GRIA1: variants seen among roughly 807,000 people sequenced by gnomAD.
GRIA1 encodes the protein glutamate receptor 1.
In GRIA1, 31 loss-of-function variants were observed where a neutral mutation model predicts 99.2. That is an observed-to-expected ratio of 0.31 (90% CI 0.23 to 0.42). GRIA1 has a LOEUF of 0.42. GRIA1 is among the 10% of genes least tolerant of loss of function. The pLI is 1.00. For missense variants in GRIA1, 782 were observed against 1,157.5 expected, an observed-to-expected ratio of 0.68 and a Z score of 4.71; for synonymous variants, 438 against 432.4, an observed-to-expected ratio of 1.01 and a Z score of -0.16.
chr5:153,619,337 T>A (rs1173759989), intron 2 of GRIA1, among the ~76,000 whole-genome samples: 1 of 152,196 alleles, frequency 6.6e-6, no homozygotes, highest in Non-Finnish European at 1.5e-5. Context: ...TTTTGGATAT[T>A]TTATTTTATC....
At chr5:153,706,645 G>T (rs561662834) in intron 11 of GRIA1, among the ~76,000 whole-genome samples, 4 of 152,186 alleles carry the variant, frequency 2.6e-5, no homozygotes, top group African/African-American at 9.7e-5. Flanking sequence ...TAGCACATGG[G>T]CCCTTTATGC....
chr5:153,653,581 G>A lies in GRIA1; in HGVS notation c.646-2238G>A, dbSNP rs148077796. Among the ~76,000 whole-genome samples the A allele has an allele frequency of 6.1e-3, 928 of 152,276 alleles. 8 individuals carry two copies. Among genetic ancestry groups the A allele is most frequent in the Middle Eastern group, 0.024 (7 of 294 alleles). On this transcript the variant is annotated intron_variant, in intron 4 of 15. Transcript: ENST00000285900. ...TAAGCACAAAATTAGTTAGAAGTGA[G>A]AATAGACCAGGACCTGTTGAGGTTA...
At position 153,807,675 on chromosome 5, in the gene GRIA1, C is replaced by T. The variant is rs147850194; in HGVS notation, c.2521-3350C>T. 3.8e-3 allele frequency among the ~76,000 whole-genome samples: 584 copies of T among 152,260 alleles called. 7 individuals carry two copies. The highest frequency in any genetic ancestry group is 0.013 in the African/African-American group (545 of 41,530). On this transcript the variant is annotated intron_variant, in intron 15 of 15. Transcript: ENST00000285900. ...GGACTTCAGGCAGCTCATAACATTT[C>T]GGTCTAATTCAAATTGTCATACAAC...
chr5:153,594,593 A>T (rs1423905489), intron 2 of GRIA1, among the ~76,000 whole-genome samples: 1 of 150,986 alleles, frequency 6.6e-6, no homozygotes, highest in East Asian at 2.0e-4. Context: ...ATTTATTTTC[A>T]TTCATTTGCT....
At chr5:153,698,770 G>C in intron 9 of GRIA1, 97 bp from the exon 10 acceptor site, 1 of 781,292 alleles carries the variant, frequency 1.3e-6, no homozygotes. Context: ...GCCTTCCCCA[G>C]TGTTAACCAA....
At chr5:153,549,982 T>A (rs972221664) in intron 2 of GRIA1, among the ~76,000 whole-genome samples, 4 of 152,158 alleles carry the variant, frequency 2.6e-5, no homozygotes, top group Non-Finnish European at 4.4e-5. Context: ...TGAAATTGGA[T>A]CATCTCTTTA....
At chr5:153,778,303 C>T (rs1764405475) in intron 13 of GRIA1, among the ~76,000 whole-genome samples, 1 of 151,466 alleles carries the variant, frequency 6.6e-6, no homozygotes, top group Non-Finnish European at 1.5e-5. Context: ...TCAGAGAGTA[C>T]CAAGAAAGCT....
At chr5:153,551,525 C>A (rs141575662) in intron 2 of GRIA1, among the ~76,000 whole-genome samples, 1 of 152,050 alleles carries the variant, frequency 6.6e-6, no homozygotes, top group Non-Finnish European at 1.5e-5. Flanking sequence ...GATGGGATTT[C>A]GATTAATGGA....
In GRIA1 at chr5:153,518,850, G is replaced by A. The variant is rs77659773; in HGVS notation, c.220+24785G>A. Reference sequence around the variant, plus strand: ...GGGGACAGTTAGTAAGTGGCTGAGTGAATTCAGCCTGGCATCGTGCTCCAT... The same window carrying A: ...GGGGACAGTTAGTAAGTGGCTGAGTAAATTCAGCCTGGCATCGTGCTCCAT... On this transcript the variant is annotated intron_variant, in intron 2 of 15. Coordinates refer to ENST00000285900, the MANE Select transcript of GRIA1 (RefSeq NM_000827.4). Among the ~76,000 whole-genome samples the A allele has an allele frequency of 7.5e-3, 1,135 of 152,272 alleles. 13 individuals are homozygous for A. Among genetic ancestry groups the A allele is most frequent in the African/African-American group, 0.026 (1,097 of 41,562 alleles).
intron 2 of GRIA1, among the ~76,000 whole-genome samples, chr5:153,636,512 A>C (rs1753369697): frequency 6.6e-6 from 1 of 152,234 alleles, no homozygotes. Context: ...ATGCTATAAA[A>C]GTAGCACTGA....
intron 2 of GRIA1, among the ~76,000 whole-genome samples, chr5:153,581,755 T>A (rs1214316024): frequency 0.024 from 2 of 84 alleles, no homozygotes; most frequent in African/African-American, 0.038. Flanking sequence ...TTCTTTTCTC[T>A]TTTTTTTTTT....
intron 5 of GRIA1, among the ~76,000 whole-genome samples, chr5:153,659,341 G>A (rs1412104888): frequency 6.6e-6 from 1 of 152,038 alleles, no homozygotes; most frequent in Non-Finnish European, 1.5e-5. Context: ...CATTGGTGTG[G>A]GCATAAGATG....
At chr5:153,675,253 A>G (rs976192071) in intron 6 of GRIA1, among the ~76,000 whole-genome samples, 1 of 152,166 alleles carries the variant, frequency 6.6e-6, no homozygotes, top group Non-Finnish European at 1.5e-5. Context: ...TTCATTGTAG[A>G]TTGAGCTTCT....
intron 2 of GRIA1, among the ~76,000 whole-genome samples, chr5:153,559,545 C>A (rs921188616): frequency 9.9e-5 from 15 of 152,126 alleles, no homozygotes; most frequent in African/African-American, 3.6e-4. Flanking sequence ...AATATATAAA[C>A]CATAATATAG....
At chr5:153,647,305 T>G (rs1754225892) in intron 3 of GRIA1, 138 bp downstream of exon 3, 2 of 1,084,344 alleles carry the variant, frequency 1.8e-6, no homozygotes, top group South Asian at 1.6e-5. Context: ...GAAATCTGAC[T>G]GATTTATCAG....
At chr5:153,600,391 C>CAAAAA (rs57395601) in intron 2 of GRIA1, among the ~76,000 whole-genome samples, 31 of 51,496 alleles carry the variant, frequency 6.0e-4, no homozygotes, top group African/African-American at 8.1e-4. Context: ...GACTCCATCT[C>CAAAAA]AAAAAAAAAA....
Position 153,802,507 on chromosome 5 carries a change from G to A in GRIA1, c.2520+17G>A, listed in dbSNP as rs766098714. 26 of 1,613,534 alleles carry A rather than the reference G, an allele frequency of 1.6e-5. No individual in the cohort carries two copies. The East Asian group carries it at 1.8e-4, about 11-fold the overall frequency. On this transcript the variant is annotated intron_variant, in intron 15 of 15. Transcript: ENST00000285900. ...CGGATGAAGGTGGCATCGTCTTCCCGGGCCTTTTTCCTAACCTGTTCTGTG... is the reference window on the plus strand; with the variant it reads ...CGGATGAAGGTGGCATCGTCTTCCCAGGCCTTTTTCCTAACCTGTTCTGTG...
rs1753859078 is a variant in GRIA1, at chr5:153,490,989, T to C, written c.82+19T>C. 1 of 1,609,336 alleles carries C rather than the reference T, an allele frequency of 6.2e-7. No individual in the cohort carries two copies. Among genetic ancestry groups the C allele is most frequent in the Non-Finnish European group, 8.5e-7 (1 of 1,175,860 alleles). ...CAGATCGGTGAGTGAGGGGGCAGCC[T>C]GGGGAGGGACTTTCTGGGTCTGGCC... On this transcript the variant is annotated intron_variant, in intron 1 of 15. Transcript: ENST00000285900.
At chr5:153,605,186 CAAAA>C (rs776137388) in intron 2 of GRIA1, among the ~76,000 whole-genome samples, 1 of 99,524 alleles carries the variant, frequency 1.0e-5, no homozygotes, top group African/African-American at 3.6e-5. Flanking sequence ...GACTCTGTCT[CAAAA>C]AAAAAAAAAA....
Sources: allele counts gnomAD v4.1 joint callset (sites outside exome capture counted in the v4.1 genomes callset), GRCh38; gene constraint gnomAD v4.1.1; transcripts MANE v1.5; gene names NCBI Gene and HGNC (gene_info 2026-07-23, HGNC 2026-07-21).